The following AKAP13 variants were observed in gnomAD, a reference collection of about 807,000 sequenced individuals.
AKAP13 encodes A-kinase anchoring protein 13, also known as A-kinase anchor protein 13.
In AKAP13, 80 loss-of-function variants were observed where a neutral mutation model predicts 264.5. The observed-to-expected ratio is 0.30, with a 90% confidence interval of 0.25 to 0.36. The LOEUF (loss-of-function observed/expected upper bound fraction) is 0.36, where lower values mean the gene tolerates loss of function less well. Ranked by LOEUF, AKAP13 falls within the 10% of genes least tolerant of loss-of-function variation. AKAP13 has a pLI of 1.00. For missense variants in AKAP13, 3,712 were observed against 3,435.2 expected, an observed-to-expected ratio of 1.08 and a Z score of -2.01; for synonymous variants, 1,380 against 1,250.2, an observed-to-expected ratio of 1.10 and a Z score of -2.19.
chr15:85,538,373 A>T (rs1304099357), intron 4 of AKAP13, among the ~76,000 whole-genome samples: 4 of 152,158 alleles, frequency 2.6e-5, no homozygotes, highest in Non-Finnish European at 5.9e-5. Context: ...AACTGCAGTA[A>T]GAACAGCCTG....
At chr15:85,726,239 C>T (rs2087608904) in intron 26 of AKAP13, 171 bp from the exon 27 acceptor site, 1 of 503,334 alleles carries the variant, frequency 2.0e-6, no homozygotes, top group Admixed American at 3.7e-5. Context: ...AGATCTGAAT[C>T]CTGGAGAACT....
intron 4 of AKAP13, among the ~76,000 whole-genome samples, chr15:85,538,744 C>G (rs1158049102): frequency 6.6e-6 from 1 of 151,236 alleles, no homozygotes; most frequent in East Asian, 1.9e-4. Context: ...CCGCCTCGGC[C>G]TCCCAAAGTG....
intron 10 of AKAP13, among the ~76,000 whole-genome samples, chr15:85,652,629 C>T (rs1298410295): frequency 2.0e-5 from 3 of 152,222 alleles, no homozygotes; most frequent in South Asian, 2.1e-4. Flanking sequence ...GGAAGCTGGG[C>T]GGCTGAAAAC....
At position 85,533,571 on chromosome 15, in the gene AKAP13, G is replaced by A; in HGVS notation, c.182-13G>A. ...TCTAATACTGTTTTATTTGCTGCCT[G>A]TGTTTCCTTTAGGTCATGATTGTTG... On this transcript the variant is annotated splice_polypyrimidine_tract_variant and intron_variant, in intron 3 of 36. Coordinates refer to ENST00000394518, the MANE Select transcript of AKAP13 (RefSeq NM_007200.5). 6.3e-7 allele frequency: 1 copy of A among 1,590,124 alleles called. No homozygotes were observed. The highest frequency in any genetic ancestry group is 1.1e-5 in the South Asian group (1 of 88,288).
chr15:85,565,851 A>G (rs1335691757), intron 5 of AKAP13, among the ~76,000 whole-genome samples: 1 of 152,156 alleles, frequency 6.6e-6, no homozygotes, highest in African/African-American at 2.4e-5. Flanking sequence ...TTATCTGAAA[A>G]CATGCAGCTA....
chr15:85,580,840 G>C lies in AKAP13; in HGVS notation c.2772G>C (p.Gln924His). 6.2e-7 allele frequency: 1 copy of C among 1,614,110 alleles called. No homozygotes were observed. Among genetic ancestry groups the C allele is most frequent in the Non-Finnish European group, 8.5e-7 (1 of 1,180,034 alleles). ...TGGTTTCAGAAAGCTCTGCAGCTCA[G>C]GAACAAGATAAGGATAAAGCGGTGA... is the stretch of plus-strand genomic sequence containing the variant. ...LLVVSESSAA[Q>H]EQDKDKAVTC... The change falls in exon 7 of 37, where the codon CAG (glutamine) becomes CAC (histidine). Residue 924 changes from glutamine to histidine, a missense_variant. Physicochemically the swap from Gln to His is conservative, Grantham distance 24. Coordinates refer to ENST00000394518, the MANE Select transcript of AKAP13 (RefSeq NM_007200.5).
chr15:85,731,359 A>G (rs1392187011), intron 30 of AKAP13, among the ~76,000 whole-genome samples: 1 of 152,176 alleles, frequency 6.6e-6, no homozygotes, highest in Non-Finnish European at 1.5e-5. Flanking sequence ...CCTAGACATT[A>G]TAGTTTAATT....
At chr15:85,710,750 AC>A in intron 19 of AKAP13, 105 bp downstream of exon 19, 1 of 1,287,076 alleles carries the variant, frequency 7.8e-7, no homozygotes, top group East Asian at 2.4e-5. Flanking sequence ...AGATATGAAT[AC>A]CTATTTTGTG....
intron 10 of AKAP13, among the ~76,000 whole-genome samples, chr15:85,646,737 A>G (rs536376292): frequency 2.0e-5 from 3 of 152,338 alleles, no homozygotes; most frequent in South Asian, 2.1e-4. Context: ...GGAACTTTCT[A>G]GATCTCTGCA....
intron 2 of AKAP13, among the ~76,000 whole-genome samples, chr15:85,504,529 A>AAAAAAAG (rs2076142499): frequency 7.3e-6 from 1 of 136,786 alleles, no homozygotes; most frequent in African/African-American, 2.8e-5. Context: ...AAAAAAAAAA[A>AAAAAAAG]AAAAAAGAAA....
intron 23 of AKAP13, among the ~76,000 whole-genome samples, chr15:85,721,614 T>G (rs2087289515): frequency 1.3e-5 from 2 of 152,244 alleles, no homozygotes; most frequent in South Asian, 2.1e-4. Flanking sequence ...AGGTCAGATA[T>G]TTAAGATTGT....
intron 12 of AKAP13, among the ~76,000 whole-genome samples, chr15:85,659,906 A>G (rs943267655): frequency 1.3e-5 from 2 of 152,240 alleles, no homozygotes; most frequent in African/African-American, 4.8e-5. Flanking sequence ...TCTCAAAGCC[A>G]AAGAACTACT....
At chr15:85,590,108 A>G (rs983053112) in intron 8 of AKAP13, among the ~76,000 whole-genome samples, 2 of 152,156 alleles carry the variant, frequency 1.3e-5, no homozygotes, top group Admixed American at 6.5e-5. Flanking sequence ...TACCCCGTCT[A>G]TGTGTGTGCC....
chr15:85,438,715 G>A (rs1012907080), intron 1 of AKAP13, among the ~76,000 whole-genome samples: 198 of 151,332 alleles, frequency 1.3e-3, no homozygotes, highest in African/African-American at 4.6e-3. Context: ...CAAGCAATGG[G>A]GAAAGGATTC....
chr15:85,405,640 T>C (rs535968847), intron 1 of AKAP13, among the ~76,000 whole-genome samples: 1 of 152,212 alleles, frequency 6.6e-6, no homozygotes, highest in Non-Finnish European at 1.5e-5. Context: ...GCTAGGATAC[T>C]TATTGAGCTA....
At chr15:85,590,042 T>A (rs967582132) in intron 8 of AKAP13, among the ~76,000 whole-genome samples, 2 of 152,132 alleles carry the variant, frequency 1.3e-5, no homozygotes, top group Non-Finnish European at 2.9e-5. Context: ...AGTCTATGAT[T>A]ATATTTGAGG....
chr15:85,662,519 G>A, intron 12 of AKAP13: 1 of 1,590,190 alleles, frequency 6.3e-7, no homozygotes, highest in South Asian at 1.1e-5. Context: ...AGGGCTTTTG[G>A]CTTGGAGCTG....
intron 3 of AKAP13, among the ~76,000 whole-genome samples, chr15:85,531,684 G>A (rs574058459): frequency 1.3e-5 from 2 of 152,220 alleles, no homozygotes; most frequent in South Asian, 2.1e-4. Context: ...GCACGTGCTC[G>A]CACTTGCACA....
At chr15:85,551,192 G>T (rs993471841) in intron 5 of AKAP13, among the ~76,000 whole-genome samples, 1 of 152,070 alleles carries the variant, frequency 6.6e-6, no homozygotes, top group Non-Finnish European at 1.5e-5. Context: ...TTTTCAGCTG[G>T]ACAACTTTAA....
Sources: allele counts gnomAD v4.1 joint callset (sites outside exome capture counted in the v4.1 genomes callset), GRCh38; gene constraint gnomAD v4.1.1; transcripts MANE v1.5; gene names NCBI Gene and HGNC (gene_info 2026-07-23, HGNC 2026-07-21).